The following BSCL2 variants were observed in gnomAD, a reference collection of about 807,000 sequenced individuals.
The protein encoded by BSCL2 is BSCL2 lipid droplet biogenesis associated, seipin.
In BSCL2, 41 loss-of-function variants were observed where a neutral mutation model predicts 57.4. The observed-to-expected ratio is 0.71, with a 90% CI of 0.56 to 0.93. The LOEUF (loss-of-function observed/expected upper bound fraction) is 0.93. Ranked by LOEUF, BSCL2 falls within the 40% of genes least tolerant of loss-of-function variation. BSCL2 has a pLI of 0.00. For missense variants in BSCL2, 539 were observed against 586.7 expected (o/e 0.92, Z 0.84); for synonymous variants, 237 against 227.3 (o/e 1.04, Z -0.38).
intron 5 of BSCL2, 61 bp from the exon 6 acceptor site, chr11:62,692,534 C>T (rs1945340878): frequency 1.5e-5 from 24 of 1,610,944 alleles, no homozygotes; most frequent in Middle Eastern, 1.7e-4. Context: ...CACTCTTACC[C>T]GCCTCATCTG....
chr11:62,692,247 A>AC, intron 6 of BSCL2, 129 bp downstream of exon 6: 1 of 906,912 alleles, frequency 1.1e-6, no homozygotes, highest in Non-Finnish European at 1.8e-6. Context: ...CAGCTTTGAG[A>AC]CCCTCTGGCC....
At chr11:62,698,899 A>G (rs1945554472) in intron 3 of BSCL2, among the ~76,000 whole-genome samples, 1 of 151,960 alleles carries the variant, frequency 6.6e-6, no homozygotes, top group South Asian at 2.1e-4. Context: ...AAAGTCATTT[A>G]TTATTATTAT....
intron 4 of BSCL2, among the ~76,000 whole-genome samples, chr11:62,693,568 T>A (rs1411711090): frequency 6.6e-6 from 1 of 152,196 alleles, no homozygotes; most frequent in Non-Finnish European, 1.5e-5. Flanking sequence ...CCCCATTGAA[T>A]CCAAACTAGT....
In BSCL2 at chr11:62,691,262, G is replaced by T. The variant is rs1474695153; in HGVS notation, c.1005+18C>A. The stretch of plus-strand genomic sequence containing the variant: ...ACAAAGATCAAAGGGACAAAAGGGG[G>T]TCCTTGCCCCTTTCGACCTGCAAAG... On this transcript the variant is annotated intron_variant, in intron 7 of 10. Coordinates refer to ENST00000360796, the MANE Select transcript of BSCL2 (RefSeq NM_001122955.4). 3 of 1,614,046 alleles carry T rather than the reference G, an allele frequency of 1.9e-6. No homozygotes were observed. Among genetic ancestry groups the T allele is most frequent in the Non-Finnish European group, 2.5e-6 (3 of 1,180,014 alleles).
At chr11:62,705,075 C>CA (rs1945780029) in intron 2 of BSCL2, among the ~76,000 whole-genome samples, 1 of 133,020 alleles carries the variant, frequency 7.5e-6, no homozygotes, top group African/African-American at 2.8e-5. Context: ...GATATTTTTC[C>CA]TTTTTTTTTT....
At chr11:62,706,209 G>A (rs982124974) in intron 1 of BSCL2, 54 of 1,065,290 alleles carry the variant, frequency 5.1e-5, no homozygotes, top group Middle Eastern at 4.6e-4. Context: ...CTACCTAATC[G>A]TGCAACCATG....
chr11:62,706,588 T>C, intron 1 of BSCL2: 2 of 468,496 alleles, frequency 4.3e-6, no homozygotes, highest in East Asian at 6.9e-5. Context: ...CCCTTGAGAC[T>C]GCAATCACAG....
intron 1 of BSCL2, chr11:62,705,885 C>G: frequency 4.1e-6 from 2 of 487,838 alleles, no homozygotes; most frequent in African/African-American, 1.9e-5. Flanking sequence ...CCTTGATTCT[C>G]ATTCACAGCT....
rs533628980 is a variant in BSCL2 at position 62,702,127 on chromosome 11, C to T, written c.486+341G>A. Reference sequence around the variant, plus strand: ...TGTTGCCCAGGCTGGAGTGCAATGGCGTGATCTCGGCTCACCGAAACCTCC... The same window carrying T: ...TGTTGCCCAGGCTGGAGTGCAATGGTGTGATCTCGGCTCACCGAAACCTCC... On this transcript the variant is annotated intron_variant, in intron 3 of 10. Transcript: ENST00000360796. Among the ~76,000 whole-genome samples, 10 of 151,336 alleles carry T rather than the reference C, an allele frequency of 6.6e-5. No individual in the cohort carries two copies. In the East Asian group the frequency reaches 9.8e-4, roughly 15 times the overall value.
In BSCL2 at chr11:62,707,197, T is replaced by C; in HGVS notation, c.-2A>G. 1 of 1,552,372 alleles carries C rather than the reference T, an allele frequency of 6.4e-7. No individual in the cohort carries two copies. The highest frequency in any genetic ancestry group is 8.7e-7 in the Non-Finnish European group (1 of 1,147,120). On this transcript the variant is annotated 5_prime_UTR_variant, in exon 1 of 11. Coordinates refer to ENST00000360796, the MANE Select transcript of BSCL2 (RefSeq NM_001122955.4). ...TTGGTCTACCTTTTCTGTAGACATC[T>C]TCCTGACGAGCCTCTGTTGACTCTG...
Position 62,690,436 on chromosome 11 carries a change from T to A in BSCL2, c.1320A>T (p.Leu440=). The change falls in exon 11 of 11, where the codon CTA becomes CTT. Residue 440 remains leucine, a synonymous_variant. Transcript: ENST00000360796. ...CAGGTTCAGAGCTGCCCAGAGTCTC[T>A]AGGACAGGGGCAGAAGCAGAAGCAG... ...PAPASASAPV[L]ETLGSSEPAG... 6.2e-7 allele frequency: 1 copy of A among 1,614,024 alleles called. No individual in the cohort carries two copies. The highest frequency in any genetic ancestry group is 8.5e-7 in the Non-Finnish European group (1 of 1,180,006).
rs1421244974 is a variant in BSCL2, at chr11:62,690,850, C to A, written c.1090G>T (p.Glu364Ter). The A allele has an allele frequency of 4.3e-6, 7 of 1,613,656 alleles. No homozygotes were observed. The highest frequency in any genetic ancestry group is 5.9e-6 in the Non-Finnish European group (7 of 1,180,020). ...AHQPGPEGQE[E>*]STPQSDVTED... ...GTAACATCTGATTGCGGAGTTGACT[C>A]CTCCTGGCCTTCAGGCCCTGCACCT... Residue 364 changes from glutamate to a stop codon, truncating the protein, a stop_gained, in exon 9 of 11, where the codon GAG becomes TAG. Transcript: ENST00000360796. LOFTEE classifies it high-confidence loss of function.
chr11:62,690,849 T>G lies in BSCL2; in HGVS notation c.1091A>C (p.Glu364Ala). The G allele has an allele frequency of 6.2e-7, 1 of 1,613,652 alleles. No homozygotes were observed. Among genetic ancestry groups the G allele is most frequent in the South Asian group, 1.1e-5 (1 of 91,076 alleles). The change falls in exon 9 of 11, where the codon GAG becomes GCG. Residue 364 changes from glutamate to alanine, a missense_variant. Transcript: ENST00000360796. The stretch of plus-strand genomic sequence containing the variant: ...TGTAACATCTGATTGCGGAGTTGAC[T>G]CCTCCTGGCCTTCAGGCCCTGCACC... ...AHQPGPEGQE[E>A]STPQSDVTED...
upstream of BSCL2, chr11:62,707,473 T>A: frequency 1.5e-6 from 1 of 677,008 alleles, no homozygotes; most frequent in South Asian, 1.6e-5. Flanking sequence ...GGGGCCGTCA[T>A]AGGCCCAGAC....
chr11:62,696,467 TA>T (rs35050222), intron 3 of BSCL2, among the ~76,000 whole-genome samples: 104,155 of 147,056 alleles, frequency 0.71, 37,706 homozygotes, highest in Admixed American at 0.81. Flanking sequence ...CACATGCAAC[TA>T]AAAATTTTTT....
intron 2 of BSCL2, among the ~76,000 whole-genome samples, chr11:62,703,437 C>G (rs1186095248): frequency 6.7e-6 from 1 of 149,940 alleles, no homozygotes; most frequent in Non-Finnish European, 1.5e-5. Flanking sequence ...CTGCAAGCTC[C>G]GCTTCCCAGG....
At chr11:62,692,918 G>T in intron 4 of BSCL2, 121 bp from the exon 5 acceptor site, 1 of 1,311,522 alleles carries the variant, frequency 7.6e-7, no homozygotes, top group Non-Finnish European at 1.1e-6. Flanking sequence ...GTCCCTGGCT[G>T]CCTCACCTTC....
intron 4 of BSCL2, among the ~76,000 whole-genome samples, chr11:62,693,297 A>T (rs1945359291): frequency 6.6e-6 from 1 of 152,104 alleles, no homozygotes; most frequent in Non-Finnish European, 1.5e-5. Flanking sequence ...TGAGATCAGG[A>T]GTTCGAGACC....
chr11:62,709,063 C>A (rs936511335), upstream of BSCL2: 4 of 503,496 alleles, frequency 7.9e-6, no homozygotes, highest in African/African-American at 7.7e-5. Context: ...CCGTCAGACT[C>A]TGCCAGCGCG....
Sources: allele counts gnomAD v4.1 joint callset (sites outside exome capture counted in the v4.1 genomes callset), GRCh38; gene constraint gnomAD v4.1.1; transcripts MANE v1.5; gene names NCBI Gene and HGNC (gene_info 2026-07-23, HGNC 2026-07-21).